Variants in PMFBP1 observed in about 807,000 individuals in gnomAD.
PMFBP1 encodes the protein polyamine-modulated factor 1-binding protein 1.
In PMFBP1, 131 loss-of-function variants were observed where a neutral mutation model predicts 137.8. That is an observed-to-expected ratio of 0.95 (90% CI 0.82 to 1.10). PMFBP1 has a LOEUF of 1.10. PMFBP1 is among the 50% of genes least tolerant of loss of function. PMFBP1 has a pLI of 0.00. For synonymous variants in PMFBP1, 490 were observed against 450.4 expected (o/e 1.09, Z -1.11); for missense variants, 1,199 against 1,175.4 (o/e 1.02, Z -0.29).
the PMFBP1 span, among the ~76,000 whole-genome samples, chr16:72,238,672 C>T: frequency 1.2e-4 from 18 of 152,256 alleles, no homozygotes; most frequent in African/African-American, 4.3e-4. Context: ...AAAGTACCTG[C>T]TATGTTTTGA....
At chr16:72,204,773 C>T in the PMFBP1 span, among the ~76,000 whole-genome samples, 3 of 152,178 alleles carry the variant, frequency 2.0e-5, no homozygotes, top group African/African-American at 4.8e-5. Flanking sequence ...AATGATGGCA[C>T]TGGAGTACCA....
At chr16:72,197,245 C>A in the PMFBP1 span, among the ~76,000 whole-genome samples, 4 of 152,068 alleles carry the variant, frequency 2.6e-5, no homozygotes, top group African/African-American at 9.7e-5. Context: ...ATTGCAGCCA[C>A]CTGGAAGCTT....
the PMFBP1 span, among the ~76,000 whole-genome samples, chr16:72,206,956 A>G: frequency 6.6e-6 from 1 of 152,150 alleles, no homozygotes; most frequent in Non-Finnish European, 1.5e-5. Flanking sequence ...TCAGAGTTGG[A>G]AGGAATACAA....
At chr16:72,249,765 A>G in the PMFBP1 span, among the ~76,000 whole-genome samples, 1 of 151,312 alleles carries the variant, frequency 6.6e-6, no homozygotes, top group East Asian at 1.9e-4. Context: ...AAATACAAAA[A>G]AAAAAAATAC....
At chr16:72,181,037 G>A (rs1170505642), upstream of PMFBP1, among the ~76,000 whole-genome samples, 5 of 152,136 alleles carry the variant, frequency 3.3e-5, no homozygotes, top group Admixed American at 2.0e-4. Flanking sequence ...TCAAGAGATC[G>A]AGACCATCCT....
the PMFBP1 span, among the ~76,000 whole-genome samples, chr16:72,218,246 T>G: frequency 6.6e-6 from 1 of 152,202 alleles, no homozygotes; most frequent in Non-Finnish European, 1.5e-5. Flanking sequence ...AATTAATGAA[T>G]GTCCAGCAAA....
chr16:72,200,802 A>G, the PMFBP1 span, among the ~76,000 whole-genome samples: 1 of 152,232 alleles, frequency 6.6e-6, no homozygotes, highest in Non-Finnish European at 1.5e-5. Context: ...TTTAAAGATG[A>G]GAAAATTTGG....
At chr16:72,133,153 C>T (rs193280417) in intron 9 of PMFBP1, among the ~76,000 whole-genome samples, 162 bp from the exon 10 acceptor site, 64 of 152,172 alleles carry the variant, frequency 4.2e-4, no homozygotes, top group Admixed American at 1.8e-3. Flanking sequence ...CTATTCTCCA[C>T]GCAGTTGAGA....
chr16:72,213,914 T>A, the PMFBP1 span, among the ~76,000 whole-genome samples: 1 of 152,188 alleles, frequency 6.6e-6, no homozygotes, highest in Non-Finnish European at 1.5e-5. Context: ...GGCTCCACAG[T>A]GAACAGTATT....
At chr16:72,209,817 G>T in the PMFBP1 span, among the ~76,000 whole-genome samples, 2 of 152,164 alleles carry the variant, frequency 1.3e-5, no homozygotes, top group African/African-American at 4.8e-5. Context: ...AACTCTCCTG[G>T]CTATTTGGCC....
chr16:72,246,198 T>C, the PMFBP1 span, among the ~76,000 whole-genome samples: 2 of 152,144 alleles, frequency 1.3e-5, no homozygotes, highest in South Asian at 2.1e-4. Flanking sequence ...GAAAGGACAA[T>C]AGCATTAATA....
At chr16:72,184,120 T>C in the PMFBP1 span, among the ~76,000 whole-genome samples, 1 of 152,216 alleles carries the variant, frequency 6.6e-6, no homozygotes, top group East Asian at 1.9e-4. Context: ...TTCGCTTCCT[T>C]GGCAAGTCCT....
chr16:72,159,557 G>C (rs1262417627), intron 3 of PMFBP1, among the ~76,000 whole-genome samples: 2 of 152,166 alleles, frequency 1.3e-5, no homozygotes, highest in Non-Finnish European at 2.9e-5. Context: ...AGAGTTCTTT[G>C]GATAGGAATT....
upstream of PMFBP1, among the ~76,000 whole-genome samples, chr16:72,178,273 A>G (rs1183880402): frequency 6.6e-6 from 1 of 152,174 alleles, no homozygotes; most frequent in East Asian, 1.9e-4. Context: ...ATCCCTGATG[A>G]TGTTGACCTT....
At chr16:72,235,309 T>C in the PMFBP1 span, among the ~76,000 whole-genome samples, 3 of 152,190 alleles carry the variant, frequency 2.0e-5, no homozygotes, top group African/African-American at 7.2e-5. Context: ...CCACAACTTT[T>C]GAAAATCAAT....
chr16:72,152,032 C>G (rs1164051257), intron 4 of PMFBP1, among the ~76,000 whole-genome samples: 1 of 152,182 alleles, frequency 6.6e-6, no homozygotes, highest in Non-Finnish European at 1.5e-5. Flanking sequence ...AGGGACCAAG[C>G]AAGCAATCTA....
chr16:72,157,183 C>CAAAAAA (rs35414674), intron 3 of PMFBP1, among the ~76,000 whole-genome samples: 4 of 18,924 alleles, frequency 2.1e-4, no homozygotes, highest in African/African-American at 2.1e-4. Context: ...GACTCCATCT[C>CAAAAAA]AAAAAAAAAA....
the PMFBP1 span, among the ~76,000 whole-genome samples, chr16:72,223,466 C>G: frequency 6.6e-6 from 1 of 152,226 alleles, no homozygotes; most frequent in East Asian, 1.9e-4. Context: ...GCTGGCTGTT[C>G]TGATATGGCC....
chr16:72,190,692 G>T, the PMFBP1 span, among the ~76,000 whole-genome samples: 1 of 152,204 alleles, frequency 6.6e-6, no homozygotes, highest in East Asian at 1.9e-4. Flanking sequence ...GTGGGGTTGG[G>T]GAGGCAGACC....
Sources: gnomAD v4.1 joint callset for allele counts (sites outside exome capture counted in the v4.1 genomes callset) on GRCh38, gnomAD v4.1.1 for gene constraint, MANE v1.5 for transcripts, NCBI Gene and HGNC (gene_info 2026-07-23, HGNC 2026-07-21) for gene names.